The following SORL1 variants were observed in gnomAD, a reference collection of about 807,000 sequenced individuals.
SORL1 encodes sortilin related receptor 1, also known as sortilin-related receptor.
Under a neutral mutation model 273.7 loss-of-function variants are expected in SORL1, and 127 were observed. The observed-to-expected ratio is 0.46, with a 90% CI of 0.40 to 0.54. The LOEUF (loss-of-function observed/expected upper bound fraction) is 0.54, where lower values mean the gene tolerates loss of function less well. Among genes scored for constraint, SORL1 ranks in the 20% least tolerant of loss-of-function variants. The pLI is 0.00. For synonymous variants in SORL1, 1,031 were observed against 1,067.4 expected (o/e 0.97, Z 0.66); for missense variants, 2,494 against 2,846.1 (o/e 0.88, Z 2.81).
intron 1 of SORL1, among the ~76,000 whole-genome samples, chr11:121,462,701 C>G (rs895578380): frequency 6.6e-6 from 1 of 152,196 alleles, no homozygotes; most frequent in Non-Finnish European, 1.5e-5. Flanking sequence ...CCTCCCACCT[C>G]AGACTCCCTA....
At chr11:121,501,592 G>A (rs140776179) in intron 6 of SORL1, among the ~76,000 whole-genome samples, 197 of 152,330 alleles carry the variant, frequency 1.3e-3, no homozygotes, top group African/African-American at 4.5e-3. Context: ...CAATCAAGGC[G>A]GAAGGTGAAG....
chr11:121,495,900 G>A (rs887592963), intron 5 of SORL1, among the ~76,000 whole-genome samples: 1 of 152,160 alleles, frequency 6.6e-6, no homozygotes, highest in African/African-American at 2.4e-5. Context: ...GCCTTCCGAG[G>A]CATCTATACT....
chr11:121,475,758 C>T (rs1047816017), intron 2 of SORL1, among the ~76,000 whole-genome samples: 2 of 152,182 alleles, frequency 1.3e-5, no homozygotes, highest in African/African-American at 2.4e-5. Flanking sequence ...CTCTTACTAG[C>T]GGTATGACCC....
At position 121,590,060 on chromosome 11, in the gene SORL1, A is replaced by G. The variant is rs1169929542; in HGVS notation, c.4099A>G (p.Asn1367Asp). Residue 1367 changes from asparagine (N) to aspartate (D), a missense_variant, in exon 30 of 48, where the codon AAC becomes GAC. Transcript: ENST00000260197. ...ANCENPTEAP[N>D]CSRYFQFRCE... is the part of the protein sequence containing the mutation. ...TGCAGAAAACCCCACAGAAGCCCCA[A>G]ACTGCTCCCGCTACTTCCAGTTTCG... is the stretch of plus-strand genomic sequence containing the variant. 9 of 1,614,034 alleles carry G rather than the reference A, an allele frequency of 5.6e-6. No individual in the cohort carries two copies. Among genetic ancestry groups the G allele is most frequent in the Admixed American group, 1.7e-5 (1 of 59,994 alleles).
At chr11:121,623,043 C>G (rs1452221982) in intron 45 of SORL1, among the ~76,000 whole-genome samples, 1 of 152,246 alleles carries the variant, frequency 6.6e-6, no homozygotes, top group African/African-American at 2.4e-5. Context: ...ACCACACACT[C>G]TGTGAGAATT....
intron 21 of SORL1, among the ~76,000 whole-genome samples, chr11:121,560,354 G>A (rs1033621675): frequency 2.6e-5 from 4 of 152,176 alleles, no homozygotes; most frequent in African/African-American, 9.7e-5. Flanking sequence ...ACTGCTATGA[G>A]GCTTTGACCT....
At chr11:121,521,614 C>T (rs1232105197) in intron 9 of SORL1, among the ~76,000 whole-genome samples, 6 of 152,262 alleles carry the variant, frequency 3.9e-5, no homozygotes, top group African/African-American at 1.4e-4. Flanking sequence ...CCTGAGGTTA[C>T]AGAAACTCTT....
At chr11:121,626,675 G>A (rs1686805620) in intron 46 of SORL1, 1 of 152,226 alleles carries the variant, frequency 6.6e-6, no homozygotes. Context: ...AGCCTGTTGA[G>A]GCTCCTCATG....
intron 4 of SORL1, 36 bp downstream of exon 4, chr11:121,488,229 C>G: frequency 6.2e-7 from 1 of 1,605,320 alleles, no homozygotes; most frequent in East Asian, 2.2e-5. Context: ...GCATGGGGCT[C>G]CTCTAGTTTT....
chr11:121,595,758 A>G lies in SORL1; in HGVS notation c.4505A>G (p.Asp1502Gly). ...DGHQDCQDGR[D>G]EANCPTHSTL... ...CACCAAGATTGCCAGGATGGCCGGG[A>G]CGAGGCCAATTGCCGTGAGTAGTCA... The change falls in exon 32 of 48, where the codon GAC (aspartate) becomes GGC (glycine). Residue 1502 changes from aspartate (D) to glycine (G), a missense_variant. By Grantham distance (94) the Asp-to-Gly change is moderately conservative. Transcript: ENST00000260197. The surrounding 1 kb of genome is among the most constrained non-coding windows in gnomAD (Gnocchi z 5.1). 6.2e-7 allele frequency: 1 copy of G among 1,613,066 alleles called. No homozygotes were observed. The highest frequency in any genetic ancestry group is 8.5e-7 in the Non-Finnish European group (1 of 1,179,990).
In SORL1 at chr11:121,473,643, C is replaced by G. The variant is rs907045645; in HGVS notation, c.402+3520C>G. Reference sequence around the variant, plus strand: ...TGAGGAGTGGCTCATGCCTGTAATCCTAGCACTTCGGAAGGCCGAGGCGGG... The same window carrying G: ...TGAGGAGTGGCTCATGCCTGTAATCGTAGCACTTCGGAAGGCCGAGGCGGG... On this transcript the variant is annotated intron_variant, in intron 2 of 47. Coordinates refer to ENST00000260197, the MANE Select transcript of SORL1 (RefSeq NM_003105.6). Among the ~76,000 whole-genome samples, 10 of 152,266 alleles carry G rather than the reference C, an allele frequency of 6.6e-5. No individual in the cohort carries two copies. The East Asian group carries it at 1.9e-3, about 29-fold the overall frequency.
In SORL1 at chr11:121,452,635, C is replaced by T. The variant is rs753485964; in HGVS notation, c.285+19C>T. 8.3e-6 allele frequency: 12 copies of T among 1,440,006 alleles called. No homozygotes were observed. The African/African-American group carries it at 1.5e-4, about 18-fold the overall frequency. 89.2% of individuals were successfully genotyped at this position (1,440,006 alleles called of 1,614,324 possible). A position where few individuals can be genotyped will look rare whatever the true frequency, so the allele number is the denominator to read the frequency against. On this transcript the variant is annotated intron_variant, in intron 1 of 47. Coordinates refer to ENST00000260197, the MANE Select transcript of SORL1 (RefSeq NM_003105.6). This position sits in a 1 kb window ranked among gnomAD's most constrained non-coding sequence, Gnocchi z 5.3. ...CGGACAGGTGAGCAGTTTTGCAACC[C>T]GCCTCCCTCCAGTTTTTTCCTCTCC...
intron 6 of SORL1, among the ~76,000 whole-genome samples, chr11:121,503,265 G>T (rs376949466): frequency 3.4e-4 from 52 of 152,066 alleles, no homozygotes; most frequent in African/African-American, 1.1e-3. Flanking sequence ...CTGAGGTCAT[G>T]AATATATACT....
rs1053610869 is a variant in SORL1, at chr11:121,607,014, G to T, written c.5061+57G>T. On this transcript the variant is annotated intron_variant, in intron 36 of 47. Coordinates refer to ENST00000260197, the MANE Select transcript of SORL1 (RefSeq NM_003105.6). ...TGTTGGGGGTGCTAGGAGATTTCTG[G>T]GTATTCTGTATGACGAGGGGGTTGA... 11 of 1,334,376 alleles carry T rather than the reference G, an allele frequency of 8.2e-6. No homozygotes were observed. In the African/African-American group the frequency reaches 1.6e-4, roughly 19 times the overall value. The allele number at this position is 1,334,376 out of a possible 1,614,324, so 82.7% of individuals were successfully genotyped here.
chr11:121,607,260 C>G lies in SORL1; in HGVS notation c.5136C>G (p.Asn1712Lys). The change falls in exon 37 of 48, where the codon AAC (asparagine) becomes AAG (lysine). Residue 1712 changes from asparagine (N) to lysine (K), a missense_variant. Coordinates refer to ENST00000260197, the MANE Select transcript of SORL1 (RefSeq NM_003105.6). Reference protein sequence around the residue: ...RAASNFTEIKNLLVNTLYTVR... With the variant: ...RAASNFTEIKKLLVNTLYTVR... ...CTAGTAACTTTACAGAAATCAAGAA[C>G]TTATTGGTCAACACTCTATACACCG... 6.2e-7 allele frequency: 1 copy of G among 1,608,592 alleles called. No homozygotes were observed. Among genetic ancestry groups the G allele is most frequent in the South Asian group, 1.1e-5 (1 of 90,914 alleles).
intron 11 of SORL1, among the ~76,000 whole-genome samples, chr11:121,524,051 T>C (rs1862082572): frequency 6.6e-6 from 1 of 152,204 alleles, no homozygotes; most frequent in South Asian, 2.1e-4. Context: ...TCAGACACTG[T>C]GTACTGTATG....
chr11:121,544,897 A>G (rs981188144), intron 13 of SORL1, among the ~76,000 whole-genome samples: 31 of 152,184 alleles, frequency 2.0e-4, no homozygotes, highest in Non-Finnish European at 4.1e-4. Context: ...GGTATTGCTC[A>G]TCAAGGATTC....
At position 121,574,289 on chromosome 11, in the gene SORL1, G is replaced by T; in HGVS notation, c.3386G>T (p.Gly1129Val). ...LDTQFRCQES[G>V]TCIPLSYKCD... ...ACCCAGTTTCGTTGCCAGGAGTCTG[G>T]GACTTGTATCCCACTGTCCTATAAA... is the stretch of plus-strand genomic sequence containing the variant. Residue 1129 changes from glycine to valine, a missense_variant, in exon 24 of 48, where the codon GGG (glycine) becomes GTG (valine). Gly to Val is a moderately radical substitution (Grantham distance 109, BLOSUM62 -3). Transcript: ENST00000260197. The T allele has an allele frequency of 6.2e-7, 1 of 1,613,796 alleles. No homozygotes were observed. The highest frequency in any genetic ancestry group is 1.7e-5 in the Admixed American group (1 of 60,022).
At chr11:121,502,124 CTTTTTTTTTTTTTTTTT>C (rs57842880) in intron 6 of SORL1, among the ~76,000 whole-genome samples, 1 of 65,176 alleles carries the variant, frequency 1.5e-5, no homozygotes, top group Non-Finnish European at 3.1e-5. Flanking sequence ...TGTGACAATT[CTTTTTTTTTTTTTTTTT>C]TTTTTTTTTT....
Sources: gnomAD v4.1 joint callset for allele counts (sites outside exome capture counted in the v4.1 genomes callset) on GRCh38, gnomAD v4.1.1 for gene constraint, Gnocchi (gnomAD v3.1) non-coding constraint, MANE v1.5 for transcripts, NCBI Gene and HGNC (gene_info 2026-07-23, HGNC 2026-07-21) for gene names.